Variants in FBXL17 observed in about 807,000 individuals in gnomAD.
FBXL17 encodes F-box/LRR-repeat protein 17.
A neutral mutation model predicts 66.2 loss-of-function variants in FBXL17; 22 were observed. The ratio of observed to expected loss-of-function variants is 0.33; its 90% CI spans 0.24 to 0.47. The LOEUF (loss-of-function observed/expected upper bound fraction) is 0.47, where lower values mean the gene tolerates loss of function less well. Ranked by LOEUF, FBXL17 falls within the 20% of genes least tolerant of loss-of-function variation. The pLI is 1.00. For synonymous variants in FBXL17, 474 were observed against 400.5 expected, an observed-to-expected ratio of 1.18 and a Z score of -2.19; for missense variants, 878 against 948.2, an observed-to-expected ratio of 0.93 and a Z score of 0.97.
chr5:108,356,916 G>A (rs1183077854), intron 3 of FBXL17, among the ~76,000 whole-genome samples: 1 of 152,050 alleles, frequency 6.6e-6, no homozygotes, highest in African/African-American at 2.4e-5. Context: ...CTATGCATGT[G>A]AGGAATAGGA....
chr5:107,905,126 A>G (rs1209904262), intron 7 of FBXL17, among the ~76,000 whole-genome samples: 4 of 152,136 alleles, frequency 2.6e-5, no homozygotes, highest in Non-Finnish European at 5.9e-5. Flanking sequence ...AATGCTTCAA[A>G]TAGTAATTTT....
intron 7 of FBXL17, among the ~76,000 whole-genome samples, chr5:107,922,750 A>AT (rs1339476333): frequency 7.2e-5 from 11 of 152,226 alleles, no homozygotes; most frequent in African/African-American, 2.7e-4. Flanking sequence ...TGAGGTTAAT[A>AT]TAACAGGCAG....
chr5:107,883,041 A>T lies in FBXL17; in HGVS notation c.1823-1862T>A, dbSNP rs113338724. ...CTTTTGACTTACTACTATTTACTGA[A>T]GTTAGAATGAAACTTTTTTATTTCT... On this transcript the variant is annotated intron_variant, in intron 7 of 8. Coordinates refer to ENST00000542267, the MANE Select transcript of FBXL17 (RefSeq NM_001163315.3). Among the ~76,000 whole-genome samples, 142 of 152,350 alleles carry T rather than the reference A, an allele frequency of 9.3e-4. 2 individuals carry two copies. The highest frequency in any genetic ancestry group is 3.1e-3 in the African/African-American group (128 of 41,586).
chr5:108,381,683 G>C lies in FBXL17; in HGVS notation c.9C>G (p.His3Gln). The C allele has an allele frequency of 6.8e-7, 1 of 1,475,006 alleles. No homozygotes were observed. Among genetic ancestry groups the C allele is most frequent in the Non-Finnish European group, 8.9e-7 (1 of 1,118,052 alleles). 91.4% of individuals were successfully genotyped at this position (1,475,006 alleles called of 1,614,324 possible). A position where few individuals can be genotyped will look rare whatever the true frequency, so the allele number is the denominator to read the frequency against. The change falls in exon 1 of 9, where the codon CAC (histidine) becomes CAG (glutamine). Residue 3 changes from histidine to glutamine, a missense_variant. Physicochemically the swap from His to Gln is conservative, Grantham distance 24. Around this residue, in one of 4 missense-constraint regions of FBXL17, gnomAD observed 605 missense variants for 509.5 expected, o/e 1.19. Coordinates refer to ENST00000542267, the MANE Select transcript of FBXL17 (RefSeq NM_001163315.3). MG[H>Q]LLSKEPRNRP... ...GGTTACGCGGCTCCTTCGAGAGAAG[G>C]TGGCCCATATAGAAGGCCCCGAGGA...
At chr5:108,135,274 A>T (rs1047643633) in intron 6 of FBXL17, among the ~76,000 whole-genome samples, 1 of 152,162 alleles carries the variant, frequency 6.6e-6, no homozygotes, top group Non-Finnish European at 1.5e-5. Flanking sequence ...AACACTCCTT[A>T]TAACAGCTCC....
intron 7 of FBXL17, among the ~76,000 whole-genome samples, chr5:107,980,975 A>G (rs1399763956): frequency 1.3e-5 from 2 of 152,080 alleles, no homozygotes; most frequent in African/African-American, 4.8e-5. Context: ...ACAGCTATTT[A>G]CTACATCTCC....
At position 108,078,110 on chromosome 5, in the gene FBXL17, C is replaced by T. The variant is rs1580411290; in HGVS notation, c.1746-57109G>A. 4.6e-5 allele frequency among the ~76,000 whole-genome samples: 7 copies of T among 152,168 alleles called. No individual in the cohort carries two copies. The South Asian group carries it at 1.5e-3, about 32-fold the overall frequency. ...TTTTTCTTATGTTTCTACAGAAATG[C>T]CTCTTGTTAAAAATCTGTTTGCCTA... On this transcript the variant is annotated intron_variant, in intron 6 of 8. Transcript: ENST00000542267.
At chr5:108,295,216 T>G (rs923378158) in intron 4 of FBXL17, among the ~76,000 whole-genome samples, 1 of 151,910 alleles carries the variant, frequency 6.6e-6, no homozygotes, top group African/African-American at 2.4e-5. Context: ...TAACATTAAT[T>G]TGTGATATTT....
chr5:108,239,429 G>C lies in FBXL17; in HGVS notation c.1507-15201C>G, dbSNP rs144203152. On this transcript the variant is annotated intron_variant, in intron 4 of 8. Coordinates refer to ENST00000542267, the MANE Select transcript of FBXL17 (RefSeq NM_001163315.3). The stretch of plus-strand genomic sequence containing the variant: ...GACAGTGCCATGACTCTGTGACCTT[G>C]CATTGGAACTCAGTGCTTCCCTGTC... 2.6e-5 allele frequency among the ~76,000 whole-genome samples: 4 copies of C among 152,300 alleles called. 1 individual carries two copies. The East Asian group carries it at 7.7e-4, about 29-fold the overall frequency.
intron 7 of FBXL17, among the ~76,000 whole-genome samples, chr5:107,964,734 A>G (rs963484716): frequency 6.6e-6 from 1 of 152,176 alleles, no homozygotes; most frequent in Admixed American, 6.6e-5. Context: ...TCACCCAGGT[A>G]TACAAATCAC....
At chr5:108,216,393 T>C (rs193231320) in intron 5 of FBXL17, among the ~76,000 whole-genome samples, 63 of 152,278 alleles carry the variant, frequency 4.1e-4, no homozygotes, top group African/African-American at 1.4e-3. Context: ...CAGTGATCCT[T>C]GGTTAAATGT....
chr5:107,987,294 GT>G (rs5870291), intron 7 of FBXL17, among the ~76,000 whole-genome samples: 101,579 of 148,512 alleles, frequency 0.68, 34,762 homozygotes, highest in Middle Eastern at 0.75. Flanking sequence ...GCTATTGCTT[GT>G]TTTTTTTTTT....
At chr5:107,976,998 G>C (rs1228337500) in intron 7 of FBXL17, among the ~76,000 whole-genome samples, 1 of 152,146 alleles carries the variant, frequency 6.6e-6, no homozygotes, top group Non-Finnish European at 1.5e-5. Context: ...GGAGAATAGG[G>C]TTGGGAATAT....
intron 4 of FBXL17, among the ~76,000 whole-genome samples, chr5:108,312,458 G>A (rs1299851861): frequency 1.3e-5 from 2 of 152,080 alleles, no homozygotes; most frequent in African/African-American, 4.8e-5. Context: ...CAATAGTAGG[G>A]AGAGTAATTT....
chr5:107,901,611 G>T (rs956209791), intron 7 of FBXL17, among the ~76,000 whole-genome samples: 1 of 152,150 alleles, frequency 6.6e-6, no homozygotes, highest in African/African-American at 2.4e-5. Flanking sequence ...ATAACACACA[G>T]AAATATACTT....
At position 108,128,890 on chromosome 5, in the gene FBXL17, G is replaced by A. The variant is rs146849144; in HGVS notation, c.1745+57227C>T. Among the ~76,000 whole-genome samples, 415 of 152,170 alleles carry A rather than the reference G, an allele frequency of 2.7e-3. 1 individual carries two copies. The highest frequency in any genetic ancestry group is 9.6e-3 in the African/African-American group (400 of 41,524). On this transcript the variant is annotated intron_variant, in intron 6 of 8. Transcript: ENST00000542267. ...CAGGAACAACTAGATATTTAAATAT[G>A]TGCAACAAAATAACGAGCCCAACCA...
At chr5:108,048,134 T>C (rs1237525254) in intron 6 of FBXL17, among the ~76,000 whole-genome samples, 1 of 152,196 alleles carries the variant, frequency 6.6e-6, no homozygotes, top group Non-Finnish European at 1.5e-5. Context: ...GAGTGACATC[T>C]CCAGGCATGG....
At chr5:108,319,420 T>C (rs898833103) in intron 4 of FBXL17, among the ~76,000 whole-genome samples, 6 of 151,858 alleles carry the variant, frequency 4.0e-5, no homozygotes, top group Non-Finnish European at 8.8e-5. Flanking sequence ...GGAGAGGTTA[T>C]ACCTAATGAA....
chr5:108,071,445 G>T (rs1254948244), intron 6 of FBXL17, among the ~76,000 whole-genome samples: 3 of 152,172 alleles, frequency 2.0e-5, no homozygotes, highest in African/African-American at 7.2e-5. Context: ...GTGATCTCCA[G>T]TTGTGAGGAT....
Sources: gnomAD v4.1 joint callset for allele counts (sites outside exome capture counted in the v4.1 genomes callset) on GRCh38, gnomAD v4.1.1 for gene constraint, gnomAD v4.1.1 regional missense constraint, MANE v1.5 for transcripts, NCBI Gene and HGNC (gene_info 2026-07-23, HGNC 2026-07-21) for gene names.